MDGA2: variants seen among roughly 807,000 people sequenced by gnomAD.
The protein encoded by MDGA2 is MAM domain-containing glycosylphosphatidylinositol anchor protein 2.
Under a neutral mutation model 117.8 loss-of-function variants are expected in MDGA2, and 40 were observed. That is an observed-to-expected ratio of 0.34 (90% CI 0.26 to 0.44). MDGA2 has a LOEUF of 0.44. Ranked by LOEUF, MDGA2 falls within the 20% of genes least tolerant of loss-of-function variation. The pLI, the probability that MDGA2 is intolerant of heterozygous loss-of-function variation, is 1.00. For missense variants in MDGA2, 1,123 were observed against 1,250.6 expected, an observed-to-expected ratio of 0.90 and a Z score of 1.54; for synonymous variants, 452 against 439.0, an observed-to-expected ratio of 1.03 and a Z score of -0.37.
intron 1 of MDGA2, among the ~76,000 whole-genome samples, chr14:47,530,252 T>C (rs1236598771): frequency 1.3e-5 from 2 of 152,176 alleles, no homozygotes; most frequent in Non-Finnish European, 2.9e-5. Flanking sequence ...ACGGCTCTTC[T>C]AGGCCTCTTT....
rs1566765640 is a variant in MDGA2 at position 47,389,617 on chromosome 14, CA to C, written c.281-88068del. Among the ~76,000 whole-genome samples, 875 of 151,396 alleles carry C rather than the reference CA, an allele frequency of 5.8e-3. 6 individuals are homozygous for C. Among genetic ancestry groups the C allele is most frequent in the African/African-American group, 0.015 (617 of 41,296 alleles). On this transcript the variant is annotated intron_variant, in intron 1 of 16. Transcript: ENST00000399232. ...ACACACACACACACCCACACACACA[CA>C]CACACACACACACACACACACTTCA...
chr14:47,503,996 TA>T (rs1456191418), intron 1 of MDGA2, among the ~76,000 whole-genome samples: 1 of 152,200 alleles, frequency 6.6e-6, no homozygotes, highest in East Asian at 1.9e-4. Context: ...ACAAAATGTG[TA>T]ACCCTAATAT....
chr14:46,931,760 T>C (rs1311400312), intron 9 of MDGA2, among the ~76,000 whole-genome samples: 1 of 152,112 alleles, frequency 6.6e-6, no homozygotes, highest in Non-Finnish European at 1.5e-5. Context: ...TGACCTCAGG[T>C]GATCCACCAG....
At chr14:47,325,645 G>T (rs2139892222) in intron 1 of MDGA2, among the ~76,000 whole-genome samples, 2 of 152,310 alleles carry the variant, frequency 1.3e-5, no homozygotes, top group Admixed American at 1.3e-4. Flanking sequence ...CCTGAGCTTT[G>T]CAAGATGATT....
At chr14:47,227,223 T>C (rs1256791793) in intron 2 of MDGA2, among the ~76,000 whole-genome samples, 1 of 152,162 alleles carries the variant, frequency 6.6e-6, no homozygotes, top group Admixed American at 6.5e-5. Flanking sequence ...GATTCAGAGT[T>C]ACTTGCACTC....
At chr14:47,629,727 A>C (rs929179757) in intron 1 of MDGA2, among the ~76,000 whole-genome samples, 3 of 152,206 alleles carry the variant, frequency 2.0e-5, no homozygotes, top group East Asian at 3.8e-4. Context: ...ATAGTTAAGC[A>C]ATTAAAATTA....
intron 1 of MDGA2, among the ~76,000 whole-genome samples, chr14:47,382,026 C>T (rs1245800229): frequency 6.6e-6 from 1 of 152,112 alleles, no homozygotes; most frequent in Non-Finnish European, 1.5e-5. Flanking sequence ...TGGAACAGAA[C>T]AGAGCCCTCA....
Position 47,619,116 on chromosome 14 carries a change from T to TACACACACACACAC in MDGA2, c.280+55387_280+55400dup, listed in dbSNP as rs1555336908. Among the ~76,000 whole-genome samples, 3 of 90,804 alleles carry TACACACACACACAC rather than the reference T, an allele frequency of 3.3e-5. No individual in the cohort carries two copies. The South Asian group carries it at 1.1e-3, about 34-fold the overall frequency. The allele number at this position is 90,804 out of a possible 152,430, so 59.6% of individuals were successfully genotyped here. On this transcript the variant is annotated intron_variant, in intron 1 of 16. Transcript: ENST00000399232. ...TAGCATCTCTGAGCCTCAGTTTAATTACACACACACACACACACACACACA... is the reference window on the plus strand; with the variant it reads ...TAGCATCTCTGAGCCTCAGTTTAATTACACACACACACACACACACACACACACACACACACACA...
chr14:47,564,657 G>C (rs1336086289), intron 1 of MDGA2, among the ~76,000 whole-genome samples: 2 of 152,114 alleles, frequency 1.3e-5, no homozygotes, highest in South Asian at 4.1e-4. Context: ...AACCATATCA[G>C]CTGGCGTCTG....
rs537806968 is a variant in MDGA2 at position 47,281,439 on chromosome 14, G to T, written c.420+19972C>A. On this transcript the variant is annotated intron_variant, in intron 2 of 16. Coordinates refer to ENST00000399232, the MANE Select transcript of MDGA2 (RefSeq NM_001113498.3). ...TGTAATTCATTCTAGAGGCTTAATT[G>T]TGTTTATTTCCATTTTTAAAATGTA... is the stretch of plus-strand genomic sequence containing the variant. Among the ~76,000 whole-genome samples, 86 of 152,144 alleles carry T rather than the reference G, an allele frequency of 5.7e-4. 1 individual carries two copies. Among genetic ancestry groups the T allele is most frequent in the Non-Finnish European group, 1.1e-3 (73 of 67,998 alleles).
At chr14:46,916,659 C>T (rs1041143945) in intron 10 of MDGA2, among the ~76,000 whole-genome samples, 8 of 151,932 alleles carry the variant, frequency 5.3e-5, no homozygotes, top group Non-Finnish European at 7.4e-5. Flanking sequence ...AAAAAAGAGG[C>T]GTGTGTCTAC....
chr14:47,645,485 C>T (rs1186223740), intron 1 of MDGA2, among the ~76,000 whole-genome samples: 1 of 151,620 alleles, frequency 6.6e-6, no homozygotes, highest in Admixed American at 6.6e-5. Flanking sequence ...CCGCCCGCCT[C>T]GTCCTCCCAA....
intron 1 of MDGA2, among the ~76,000 whole-genome samples, chr14:47,547,945 T>C (rs1359826738): frequency 6.6e-6 from 1 of 152,146 alleles, no homozygotes; most frequent in Admixed American, 6.5e-5. Flanking sequence ...AAAACTTTGA[T>C]CCAATATAAC....
intron 5 of MDGA2, among the ~76,000 whole-genome samples, chr14:47,101,302 A>G (rs528892561): frequency 6.6e-6 from 1 of 152,320 alleles, no homozygotes; most frequent in East Asian, 1.9e-4. Context: ...CAACATAGAA[A>G]GTATATTTTA....
intron 1 of MDGA2, among the ~76,000 whole-genome samples, chr14:47,539,659 C>G (rs949317890): frequency 6.6e-6 from 1 of 152,194 alleles, no homozygotes; most frequent in Non-Finnish European, 1.5e-5. Flanking sequence ...ACAGTTTACC[C>G]TTACTTGTAT....
At position 47,350,752 on chromosome 14, in the gene MDGA2, G is replaced by C. The variant is rs146394815; in HGVS notation, c.281-49202C>G. Among the ~76,000 whole-genome samples the C allele has an allele frequency of 6.0e-4, 91 of 152,290 alleles. 1 individual carries two copies. The highest frequency in any genetic ancestry group is 2.1e-3 in the African/African-American group (86 of 41,558). On this transcript the variant is annotated intron_variant, in intron 1 of 16. Coordinates refer to ENST00000399232, the MANE Select transcript of MDGA2 (RefSeq NM_001113498.3). ...AAATTTCCATTTCAATAGCTCTCAA[G>C]TACCTAAGTAATTTTGGTAGCTAGA...
At chr14:47,257,569 T>C (rs56210306) in intron 2 of MDGA2, among the ~76,000 whole-genome samples, 46,873 of 152,130 alleles carry the variant, frequency 0.31, 7,806 homozygotes, top group Admixed American at 0.48. Context: ...ATTTTGTTCA[T>C]AAGTGGTTTG....
intron 8 of MDGA2, among the ~76,000 whole-genome samples, chr14:47,027,595 T>C (rs1045738179): frequency 1.3e-5 from 2 of 148,626 alleles, no homozygotes; most frequent in East Asian, 2.0e-4. Context: ...AGATAATGTA[T>C]AGTCAATTGC....
intron 2 of MDGA2, among the ~76,000 whole-genome samples, chr14:47,247,804 T>A (rs1370147218): frequency 6.6e-6 from 1 of 150,990 alleles, no homozygotes; most frequent in East Asian, 1.9e-4. Flanking sequence ...CACCCCCCAC[T>A]CCCTGATAGG....
Sources: allele counts gnomAD v4.1 joint callset (sites outside exome capture counted in the v4.1 genomes callset), GRCh38; gene constraint gnomAD v4.1.1; transcripts MANE v1.5; gene names NCBI Gene and HGNC (gene_info 2026-07-23, HGNC 2026-07-21).